Variants in TSPAN12 observed in about 807,000 individuals in gnomAD.
TSPAN12 encodes tetraspanin-12.
In TSPAN12, 19 loss-of-function variants were observed where a neutral mutation model predicts 39.2. That is an observed-to-expected ratio of 0.49 (90% CI 0.34 to 0.71). TSPAN12 has a LOEUF of 0.71. Ranked by LOEUF, TSPAN12 falls within the 30% of genes least tolerant of loss-of-function variation. TSPAN12 has a pLI of 0.01. For synonymous variants in TSPAN12, 119 were observed against 124.8 expected (o/e 0.95, Z 0.31); for missense variants, 314 against 359.9 (o/e 0.87, Z 1.03).
At position 120,788,550 on chromosome 7, in the gene TSPAN12, C is replaced by T. The variant is rs749755748; in HGVS notation, c.*42G>A. The T allele has an allele frequency of 1.9e-6, 3 of 1,611,778 alleles. No homozygotes were observed. The South Asian group carries it at 3.3e-5, about 18-fold the overall frequency. On this transcript the variant is annotated 3_prime_UTR_variant, in exon 8 of 8. Transcript: ENST00000222747. ...AGTATGTACTCAAAAATTCACAAGT[C>T]CAGTAAAACAAGTTTGTGGTTTTCT...
rs1584951066 is a variant in TSPAN12 at position 120,843,461 on chromosome 7, G to A, written c.67-3352C>T. Among the ~76,000 whole-genome samples, 10 of 152,104 alleles carry A rather than the reference G, an allele frequency of 6.6e-5. No individual in the cohort carries two copies. In the South Asian group the frequency reaches 2.1e-3, roughly 32 times the overall value. ...CAAACTCCTAAGTACCTCCCTTATGGGGCTCTCCCACTTAGGGGCCACTAC... is the reference window on the plus strand; with the variant it reads ...CAAACTCCTAAGTACCTCCCTTATGAGGCTCTCCCACTTAGGGGCCACTAC... On this transcript the variant is annotated intron_variant, in intron 2 of 7. Transcript: ENST00000222747.
chr7:120,795,173 T>C (rs1418071511), intron 7 of TSPAN12, among the ~76,000 whole-genome samples: 1 of 152,226 alleles, frequency 6.6e-6, no homozygotes, highest in Non-Finnish European at 1.5e-5. Context: ...GAAGTGTACT[T>C]ATTTGCTTTT....
At position 120,814,193 on chromosome 7, in the gene TSPAN12, A is replaced by C. The variant is rs1794035963; in HGVS notation, c.360+1536T>G. 2 of 456,590 alleles carry C rather than the reference A, an allele frequency of 4.4e-6. 1 individual carries two copies. Among genetic ancestry groups the C allele is most frequent in the South Asian group, 3.1e-5 (2 of 64,574 alleles). The allele number at this position is 456,590 out of a possible 1,614,324, so 28.3% of individuals were successfully genotyped here. ...CCAAAGAATCTTTGAAGACTACATC[A>C]GCACCAGAAATGACTTCTATTTTAC... On this transcript the variant is annotated intron_variant, in intron 5 of 7. Coordinates refer to ENST00000222747, the MANE Select transcript of TSPAN12 (RefSeq NM_012338.4).
chr7:120,829,388 A>ATTTTTT (rs58205285), intron 4 of TSPAN12, among the ~76,000 whole-genome samples: 1 of 146,976 alleles, frequency 6.8e-6, no homozygotes, highest in Non-Finnish European at 1.5e-5. Flanking sequence ...ACTAACCATG[A>ATTTTTT]TTTTTTTTTT....
intron 7 of TSPAN12, among the ~76,000 whole-genome samples, chr7:120,798,923 T>C (rs934114192): frequency 2.0e-5 from 3 of 152,174 alleles, no homozygotes; most frequent in African/African-American, 4.8e-5. Context: ...TGTGTTCCCA[T>C]TGGTTATCTC....
chr7:120,802,440 G>A (rs937307430), intron 7 of TSPAN12, among the ~76,000 whole-genome samples: 36 of 152,048 alleles, frequency 2.4e-4, no homozygotes, highest in African/African-American at 8.5e-4. Flanking sequence ...CACCAACAAA[G>A]CTCCAGCACA....
At chr7:120,840,384 C>T (rs1470432346) in intron 2 of TSPAN12, among the ~76,000 whole-genome samples, 1 of 152,060 alleles carries the variant, frequency 6.6e-6, no homozygotes, top group East Asian at 1.9e-4. Flanking sequence ...GATAAGGAGG[C>T]CACAGAACAA....
rs944132246 is a variant in TSPAN12, at chr7:120,856,944, C to T, written c.-70-111G>A. The T allele has an allele frequency of 1.5e-5, 10 of 679,776 alleles. No individual in the cohort carries two copies. In the South Asian group the frequency reaches 1.6e-4, roughly 11 times the overall value. 42.1% of individuals were successfully genotyped at this position (679,776 alleles called of 1,614,324 possible). ...GCAGGGTCCAGAGGGTCCCGAGGCCCAGTGCATTCGAGACATCGCCTCATC... is the reference window on the plus strand; with the variant it reads ...GCAGGGTCCAGAGGGTCCCGAGGCCTAGTGCATTCGAGACATCGCCTCATC... On this transcript the variant is annotated intron_variant, in intron 1 of 7. Coordinates refer to ENST00000222747, the MANE Select transcript of TSPAN12 (RefSeq NM_012338.4).
chr7:120,788,900 G>A lies in TSPAN12; in HGVS notation c.613-3C>T. 6.2e-7 allele frequency: 1 copy of A among 1,613,894 alleles called. No homozygotes were observed. Among genetic ancestry groups the A allele is most frequent in the South Asian group, 1.1e-5 (1 of 91,076 alleles). ...GAATACATTTTCTTCCCACAACCCT[G>A]TAAAAGAAATACATGGTCAACATTA... On this transcript the variant is annotated splice_polypyrimidine_tract_variant and splice_region_variant and intron_variant, in intron 7 of 7. Transcript: ENST00000222747.
intron 4 of TSPAN12, among the ~76,000 whole-genome samples, chr7:120,826,873 C>T (rs1197477680): frequency 2.0e-5 from 3 of 152,122 alleles, no homozygotes; most frequent in Non-Finnish European, 2.9e-5. Flanking sequence ...CAGACATGCA[C>T]CACCATGCCC....
chr7:120,788,767 A>G lies in TSPAN12; in HGVS notation c.743T>C (p.Leu248Pro). Residue 248 changes from leucine to proline, a missense_variant, in exon 8 of 8, where the codon CTG (leucine) becomes CCG (proline). Coordinates refer to ENST00000222747, the MANE Select transcript of TSPAN12 (RefSeq NM_012338.4). ...MILTITLLWA[L>P]YYDRREPGTD... ...CCCCGGCTCCCTTCTATCATAATACAGAGCCCAGAGCAGAGTAATGGTGAG... is the reference window on the plus strand; with the variant it reads ...CCCCGGCTCCCTTCTATCATAATACGGAGCCCAGAGCAGAGTAATGGTGAG... 6.2e-7 allele frequency: 1 copy of G among 1,614,134 alleles called. No individual in the cohort carries two copies. The highest frequency in any genetic ancestry group is 1.1e-5 in the South Asian group (1 of 91,088).
chr7:120,798,088 TTTGA>T (rs1452700196), intron 7 of TSPAN12, among the ~76,000 whole-genome samples: 12 of 152,316 alleles, frequency 7.9e-5, no homozygotes, highest in Non-Finnish European at 1.0e-4. Flanking sequence ...GGAAACATTG[TTTGA>T]TTGAATAGAC....
intron 5 of TSPAN12, among the ~76,000 whole-genome samples, chr7:120,811,266 G>T (rs1178670829): frequency 6.6e-6 from 1 of 152,154 alleles, no homozygotes; most frequent in Non-Finnish European, 1.5e-5. Flanking sequence ...AGGAAAAGAA[G>T]TCATTATATG....
chr7:120,827,386 T>G (rs1220518124), intron 4 of TSPAN12, among the ~76,000 whole-genome samples: 1 of 152,130 alleles, frequency 6.6e-6, no homozygotes, highest in African/African-American at 2.4e-5. Flanking sequence ...GCACATACAC[T>G]TTGTTCCTAA....
At chr7:120,799,575 TAATTATATGTAATA>T (rs1474104607) in intron 7 of TSPAN12, among the ~76,000 whole-genome samples, 2 of 111,376 alleles carry the variant, frequency 1.8e-5, no homozygotes, top group African/African-American at 7.2e-5. Flanking sequence ...ATTATTTATA[TAATTATATGTAATA>T]ATATAATTAT....
In TSPAN12 at chr7:120,847,966, G is replaced by A. The variant is rs139981105; in HGVS notation, c.67-7857C>T. On this transcript the variant is annotated intron_variant, in intron 2 of 7. Coordinates refer to ENST00000222747, the MANE Select transcript of TSPAN12 (RefSeq NM_012338.4). ...TACCCCTTAAACTTTTTCTTAAACC[G>A]TGCTTCCTGCCAGCTCTTTCCTAGA... Among the ~76,000 whole-genome samples, 1,251 of 152,098 alleles carry A rather than the reference G, an allele frequency of 8.2e-3. 3 individuals carry two copies. Among genetic ancestry groups the A allele is most frequent in the Non-Finnish European group, 0.012 (834 of 67,978 alleles).
At chr7:120,791,048 G>T (rs1793512415) in intron 7 of TSPAN12, among the ~76,000 whole-genome samples, 1 of 152,154 alleles carries the variant, frequency 6.6e-6, no homozygotes, top group Non-Finnish European at 1.5e-5. Context: ...AGGCAAACTG[G>T]CTGGGTGTGG....
Position 120,826,813 on chromosome 7 carries a change from C to T in TSPAN12, c.286-11010G>A, listed in dbSNP as rs369570474. ...TCTCGGCTCACTGCAACCTCCCCAT[C>T]CCAGGTTCAAGTGATTCTCCTGCCT... On this transcript the variant is annotated intron_variant, in intron 4 of 7. Transcript: ENST00000222747. Among the ~76,000 whole-genome samples, 7 of 152,250 alleles carry T rather than the reference C, an allele frequency of 4.6e-5. No individual in the cohort carries two copies. The East Asian group carries it at 9.7e-4, about 21-fold the overall frequency.
chr7:120,787,759 T>G lies in TSPAN12; in HGVS notation c.*833A>C, dbSNP rs1030911927. ...TATTAATACTTCCTAAAGACCAGAC[T>G]ACATTCTGAATAATGATTCCTATGT... On this transcript the variant is annotated 3_prime_UTR_variant, in exon 8 of 8. Coordinates refer to ENST00000222747, the MANE Select transcript of TSPAN12 (RefSeq NM_012338.4). The G allele has an allele frequency of 2.6e-5, 4 of 152,278 alleles. No homozygotes were observed. The highest frequency in any genetic ancestry group is 7.2e-5 in the African/African-American group (3 of 41,456). The allele number at this position is 152,278 out of a possible 1,614,324, so 9.4% of individuals were successfully genotyped here. A position where few individuals can be genotyped will look rare whatever the true frequency, so the allele number is the denominator to read the frequency against.
Sources: gnomAD v4.1 joint callset for allele counts (sites outside exome capture counted in the v4.1 genomes callset) on GRCh38, gnomAD v4.1.1 for gene constraint, MANE v1.5 for transcripts, NCBI Gene and HGNC (gene_info 2026-07-23, HGNC 2026-07-21) for gene names.